The following SLC4A10 variants were observed in gnomAD, a reference collection of about 807,000 sequenced individuals.
The protein encoded by SLC4A10 is solute carrier family 4 member 10, also known as sodium-driven chloride bicarbonate exchanger.
SLC4A10 carries 42 observed loss-of-function variants against 137.7 expected under a neutral mutation model. That is an observed-to-expected ratio of 0.30 (90% CI 0.24 to 0.39). The LOEUF (loss-of-function observed/expected upper bound fraction) is 0.39. Ranked by LOEUF, SLC4A10 falls within the 10% of genes least tolerant of loss-of-function variation. SLC4A10 has a pLI of 1.00. For synonymous variants in SLC4A10, 474 were observed against 464.1 expected (o/e 1.02, Z -0.27); for missense variants, 925 against 1,355.0 (o/e 0.68, Z 4.98).
At chr2:161,956,944 G>T in intron 19 of SLC4A10, 45 bp from the exon 20 acceptor site, 1 of 1,527,678 alleles carries the variant, frequency 6.5e-7, no homozygotes. Flanking sequence ...CCTTAGCCCT[G>T]TTATTGACAC....
At position 161,894,618 on chromosome 2, in the gene SLC4A10, A is replaced by G. The variant is rs1221097783; in HGVS notation, c.1195-61A>G. The G allele has an allele frequency of 4.3e-6, 4 of 934,278 alleles. No individual in the cohort carries two copies. In the Admixed American group the frequency reaches 1.3e-4, roughly 29 times the overall value. The allele number at this position is 934,278 out of a possible 1,614,324, so 57.9% of individuals were successfully genotyped here. On this transcript the variant is annotated intron_variant, in intron 10 of 26. Coordinates refer to ENST00000446997, the MANE Select transcript of SLC4A10 (RefSeq NM_001178015.2). ...TGAGATAACTGAGTTGAAAACACTG[A>G]ACACATTAATATTTTATAATTATTT...
chr2:161,959,022 T>G (rs1232139408), intron 21 of SLC4A10, among the ~76,000 whole-genome samples: 1 of 152,034 alleles, frequency 6.6e-6, no homozygotes. Context: ...TCACTGAAAA[T>G]TGATAATTAT....
chr2:161,754,100 C>G (rs2049315871), intron 1 of SLC4A10, among the ~76,000 whole-genome samples: 1 of 151,576 alleles, frequency 6.6e-6, no homozygotes, highest in Non-Finnish European at 1.5e-5. Context: ...CTATGTGGCC[C>G]CGGGGTTTGG....
Position 161,765,967 on chromosome 2 carries a change from A to G in SLC4A10, c.49-5006A>G, listed in dbSNP as rs2050758259. On this transcript the variant is annotated intron_variant, in intron 1 of 26. Transcript: ENST00000446997. ...AAAAGTTTTGAATAATATTGAAATG[A>G]TCTTTCAAACTGTAACAAAAGTAGA... Among the ~76,000 whole-genome samples the G allele has an allele frequency of 2.0e-5, 3 of 152,110 alleles. No individual in the cohort carries two copies. In the South Asian group the frequency reaches 6.2e-4, roughly 32 times the overall value.
chr2:161,647,009 G>A (rs2036148609), intron 1 of SLC4A10, among the ~76,000 whole-genome samples: 1 of 151,924 alleles, frequency 6.6e-6, no homozygotes. Context: ...TGTAGCAGTG[G>A]CATATCTTCA....
At chr2:161,886,783 A>T (rs2062344717) in intron 10 of SLC4A10, among the ~76,000 whole-genome samples, 1 of 151,600 alleles carries the variant, frequency 6.6e-6, no homozygotes. Flanking sequence ...ATCAATCTTA[A>T]TTTTTTTTGT....
chr2:161,929,252 GT>G (rs1424214821), intron 15 of SLC4A10, among the ~76,000 whole-genome samples: 1 of 152,116 alleles, frequency 6.6e-6, no homozygotes, highest in East Asian at 1.9e-4. Context: ...AGTTTGTTTT[GT>G]TTTGTTGATA....
intron 4 of SLC4A10, among the ~76,000 whole-genome samples, chr2:161,854,173 G>C (rs1009700261): frequency 1.5e-4 from 23 of 152,174 alleles, no homozygotes; most frequent in Non-Finnish European, 2.5e-4. Context: ...AACTAAATTG[G>C]TCATCTATTA....
At chr2:161,938,107 C>T (rs1691917514) in intron 15 of SLC4A10, among the ~76,000 whole-genome samples, 1 of 152,010 alleles carries the variant, frequency 6.6e-6, no homozygotes, top group South Asian at 2.1e-4. Context: ...CCCGTCTGTA[C>T]TAAAAATACA....
chr2:161,958,206 T>G (rs551984035), intron 20 of SLC4A10, among the ~76,000 whole-genome samples: 3 of 152,238 alleles, frequency 2.0e-5, no homozygotes, highest in Admixed American at 6.5e-5. Flanking sequence ...ACTACATGGT[T>G]TTTAAAAATA....
chr2:161,940,972 C>T (rs1157764974), intron 15 of SLC4A10, among the ~76,000 whole-genome samples: 1 of 152,052 alleles, frequency 6.6e-6, no homozygotes, highest in African/African-American at 2.4e-5. Context: ...GCTACCACAG[C>T]AAAAAGGCTG....
At chr2:161,813,518 A>G (rs1249374885) in intron 3 of SLC4A10, among the ~76,000 whole-genome samples, 1 of 152,010 alleles carries the variant, frequency 6.6e-6, no homozygotes, top group Non-Finnish European at 1.5e-5. Flanking sequence ...GCATTTTCAG[A>G]TGTTGTCTCT....
At chr2:161,942,756 A>G (rs747027051) in intron 15 of SLC4A10, 36 bp from the exon 16 acceptor site, 3 of 1,509,780 alleles carry the variant, frequency 2.0e-6, no homozygotes, top group Non-Finnish European at 2.7e-6. Context: ...ACAAAAAGCT[A>G]CTTATTTCAC....
At chr2:161,852,269 C>T (rs1391171827) in intron 4 of SLC4A10, among the ~76,000 whole-genome samples, 1 of 152,156 alleles carries the variant, frequency 6.6e-6, no homozygotes, top group Non-Finnish European at 1.5e-5. Context: ...ACCAAATAGA[C>T]TAGAAAGTAA....
intron 1 of SLC4A10, among the ~76,000 whole-genome samples, chr2:161,727,720 A>G (rs2046379102): frequency 6.6e-6 from 1 of 152,176 alleles, no homozygotes; most frequent in South Asian, 2.1e-4. Flanking sequence ...AAGAAAATTG[A>G]GAGGAAGGTG....
At chr2:161,731,845 T>G (rs1441909651) in intron 1 of SLC4A10, among the ~76,000 whole-genome samples, 2 of 152,322 alleles carry the variant, frequency 1.3e-5, no homozygotes, top group African/African-American at 4.8e-5. Flanking sequence ...TCCCTGAATA[T>G]AGTTTAAAAT....
chr2:161,667,415 A>G (rs748900439), intron 1 of SLC4A10, among the ~76,000 whole-genome samples: 4 of 151,696 alleles, frequency 2.6e-5, no homozygotes, highest in Non-Finnish European at 5.9e-5. Flanking sequence ...TAATTGCAAT[A>G]AAGTATGATA....
intron 5 of SLC4A10, among the ~76,000 whole-genome samples, chr2:161,859,953 C>T (rs2125879133): frequency 6.6e-6 from 1 of 152,272 alleles, no homozygotes; most frequent in Admixed American, 6.5e-5. Flanking sequence ...GGCATAATAG[C>T]TTGCTGAGAT....
rs1035177103 is a variant in SLC4A10, at chr2:161,872,229, T to C, written c.767-64T>C. ...GTCTAGTTTAATTGAAGTGCCTATTTCACTCAGTATGTCTACAACTATGTA... is the reference window on the plus strand; with the variant it reads ...GTCTAGTTTAATTGAAGTGCCTATTCCACTCAGTATGTCTACAACTATGTA... On this transcript the variant is annotated intron_variant, in intron 6 of 26. Coordinates refer to ENST00000446997, the MANE Select transcript of SLC4A10 (RefSeq NM_001178015.2). The C allele has an allele frequency of 6.3e-6, 8 of 1,269,730 alleles. No individual in the cohort carries two copies. The African/African-American group carries it at 1.0e-4, about 16-fold the overall frequency. The allele number at this position is 1,269,730 out of a possible 1,614,324, so 78.7% of individuals were successfully genotyped here.
Sources: allele counts gnomAD v4.1 joint callset (sites outside exome capture counted in the v4.1 genomes callset), GRCh38; gene constraint gnomAD v4.1.1; transcripts MANE v1.5; gene names NCBI Gene and HGNC (gene_info 2026-07-23, HGNC 2026-07-21).